Variants in MAP4K4 observed in about 807,000 individuals in gnomAD.
MAP4K4 encodes mitogen-activated protein kinase kinase kinase kinase 4.
Under a neutral mutation model 189.6 loss-of-function variants are expected in MAP4K4, and 38 were observed. That is an observed-to-expected ratio of 0.20 (90% CI 0.15 to 0.26). The LOEUF is 0.26. MAP4K4 is among the 10% of genes least tolerant of loss of function. The pLI, the probability that MAP4K4 is intolerant of heterozygous loss-of-function variation, is 1.00. For synonymous variants in MAP4K4, 610 were observed against 624.3 expected (o/e 0.98, Z 0.34); for missense variants, 1,054 against 1,726.9 (o/e 0.61, Z 6.91).
rs117749544 is a variant in MAP4K4 at position 101,844,464 on chromosome 2, C to T, written c.1233+153C>T. Among the ~76,000 whole-genome samples the T allele has an allele frequency of 3.3e-3, 496 of 152,312 alleles. 8 individuals are homozygous for T. The highest frequency in any genetic ancestry group is 0.026 in the Admixed American group (391 of 15,294). On this transcript the variant is annotated intron_variant, in intron 12 of 32. Coordinates refer to ENST00000324219, the Ensembl canonical transcript of MAP4K4. Reference sequence around the variant, plus strand: ...TACATAACTTGTGAAAGAAAGCTTACGCTTTGGACTGGCAGGCCTTCACAT... The same window carrying T: ...TACATAACTTGTGAAAGAAAGCTTATGCTTTGGACTGGCAGGCCTTCACAT...
At chr2:101,721,360 C>T (rs2051828101) in intron 2 of MAP4K4, among the ~76,000 whole-genome samples, 1 of 151,016 alleles carries the variant, frequency 6.6e-6, no homozygotes, top group Admixed American at 6.6e-5. Flanking sequence ...GGAGGGATAG[C>T]TGATTGGGCA....
At chr2:101,873,611 C>A in intron 24 of MAP4K4, 36 bp from the exon 25 acceptor site, 2 of 1,075,034 alleles carry the variant, frequency 1.9e-6, no homozygotes, top group Non-Finnish European at 2.9e-6. Flanking sequence ...TTTTAAAATG[C>A]CAGTTGTATT....
intron 2 of MAP4K4, among the ~76,000 whole-genome samples, chr2:101,700,367 G>A (rs1007343909): frequency 6.6e-6 from 1 of 152,152 alleles, no homozygotes; most frequent in African/African-American, 2.4e-5. Context: ...AGCTACGTTT[G>A]GTAGGTATTT....
At chr2:101,875,615 C>T (rs1471248910) in intron 26 of MAP4K4, among the ~76,000 whole-genome samples, 1 of 152,192 alleles carries the variant, frequency 6.6e-6, no homozygotes, top group Non-Finnish European at 1.5e-5. Context: ...TTCCGCCTCA[C>T]TCCCTCTACA....
Position 101,755,353 on chromosome 2 carries a change from C to T in MAP4K4, c.124-35367C>T, listed in dbSNP as rs115703162. ...TGGGGAATAAATAACTGCTTAAATA[C>T]AGCAAAGGAAAAGGCTGGCTGGTCT... On this transcript the variant is annotated intron_variant, in intron 2 of 32. Transcript: ENST00000324219. Among the ~76,000 whole-genome samples the T allele has an allele frequency of 8.3e-3, 1,266 of 152,234 alleles. 7 individuals carry two copies. Among genetic ancestry groups the T allele is most frequent in the Non-Finnish European group, 0.013 (915 of 68,020 alleles).
chr2:101,800,151 A>G (rs1195497152), intron 3 of MAP4K4, among the ~76,000 whole-genome samples: 1 of 151,618 alleles, frequency 6.6e-6, no homozygotes, highest in Non-Finnish European at 1.5e-5. Flanking sequence ...ATTTTTTGAG[A>G]CAGGATCTTG....
chr2:101,837,209 T>A (rs945558481), intron 9 of MAP4K4, among the ~76,000 whole-genome samples: 23 of 152,096 alleles, frequency 1.5e-4, no homozygotes, highest in South Asian at 2.1e-4. Context: ...GAGTTAAGCT[T>A]CCATTCTGAG....
chr2:101,866,440 C>T, exon 19 of MAP4K4: 1 of 1,612,730 alleles, frequency 6.2e-7, no homozygotes, highest in Non-Finnish European at 8.5e-7. Context: ...GTATTGAGCC[C>T]AGGCTTCTGT....
At chr2:101,698,656 A>G (rs1185134828) in intron 2 of MAP4K4, 118 bp downstream of exon 2, 2 of 909,748 alleles carry the variant, frequency 2.2e-6, no homozygotes, top group Admixed American at 2.1e-5. Flanking sequence ...CAAAGTTGGG[A>G]GAGGGGTTTC....
At chr2:101,744,351 A>G (rs183568242) in intron 2 of MAP4K4, among the ~76,000 whole-genome samples, 3 of 152,384 alleles carry the variant, frequency 2.0e-5, no homozygotes, top group African/African-American at 7.2e-5. Flanking sequence ...AGTGTGTAGT[A>G]TACGTTTACA....
intron 12 of MAP4K4, among the ~76,000 whole-genome samples, chr2:101,853,969 A>T (rs1185984245): frequency 6.6e-6 from 1 of 152,166 alleles, no homozygotes; most frequent in Non-Finnish European, 1.5e-5. Context: ...TAGGGTAAAT[A>T]ACAATTTTGC....
chr2:101,768,241 C>T (rs79447693), intron 2 of MAP4K4, among the ~76,000 whole-genome samples: 10,633 of 152,246 alleles, frequency 0.07, 496 homozygotes, highest in African/African-American at 0.13. Context: ...ATGCCCCTTT[C>T]GGTAAAATTT....
At chr2:101,892,344 G>A (rs2098582942) in exon 33 of MAP4K4, 1 of 152,998 alleles carries the variant, frequency 6.5e-6, no homozygotes. Flanking sequence ...AAATCAGCAG[G>A]CACAAGAACT....
At chr2:101,801,540 G>A (rs2094373630) in intron 3 of MAP4K4, among the ~76,000 whole-genome samples, 1 of 152,174 alleles carries the variant, frequency 6.6e-6, no homozygotes, top group Admixed American at 6.5e-5. Context: ...TGCCTAGCAT[G>A]CACCCAAAAT....
chr2:101,889,056 A>G, intron 32 of MAP4K4, 121 bp downstream of exon 32: 1 of 990,672 alleles, frequency 1.0e-6, no homozygotes, highest in African/African-American at 1.6e-5. Context: ...GAACTTTTTA[A>G]ACGTTGCTTT....
At chr2:101,714,171 T>A (rs958972737) in intron 2 of MAP4K4, among the ~76,000 whole-genome samples, 1 of 152,226 alleles carries the variant, frequency 6.6e-6, no homozygotes, top group Non-Finnish European at 1.5e-5. Context: ...CAGGTTTAGT[T>A]TAATAGTTGT....
chr2:101,810,738 A>T (rs1419998628), intron 3 of MAP4K4, among the ~76,000 whole-genome samples: 1 of 152,100 alleles, frequency 6.6e-6, no homozygotes, highest in East Asian at 1.9e-4. Flanking sequence ...AAGTTCTAAG[A>T]CTTACAGAAC....
intron 2 of MAP4K4, among the ~76,000 whole-genome samples, chr2:101,709,250 T>C (rs1426800236): frequency 6.6e-6 from 1 of 152,238 alleles, no homozygotes; most frequent in Non-Finnish European, 1.5e-5. Flanking sequence ...TCGCCCAGGC[T>C]GGAGTGCAGT....
chr2:101,705,580 G>A (rs1018397173), intron 2 of MAP4K4, among the ~76,000 whole-genome samples: 18 of 152,160 alleles, frequency 1.2e-4, no homozygotes, highest in African/African-American at 3.6e-4. Flanking sequence ...TTTTTTACTC[G>A]TAGAATCAAA....
Sources: allele counts gnomAD v4.1 joint callset (sites outside exome capture counted in the v4.1 genomes callset), GRCh38; gene constraint gnomAD v4.1.1; transcripts MANE v1.5; gene names NCBI Gene and HGNC (gene_info 2026-07-23, HGNC 2026-07-21).